Variants in NANOGNB observed in about 807,000 individuals in gnomAD.
NANOGNB encodes the protein NANOG neighbor homeobox.
In NANOGNB, 30 loss-of-function variants were observed where a neutral mutation model predicts 25.0. The ratio of observed to expected loss-of-function variants is 1.20; its 90% CI spans 0.90 to 1.63. The LOEUF (loss-of-function observed/expected upper bound fraction) is 1.63. Among genes scored for constraint, NANOGNB ranks in the 40% most tolerant of loss-of-function variants. NANOGNB has a pLI of 0.00. For synonymous variants in NANOGNB, 84 were observed against 62.1 expected (o/e 1.35, Z -1.66); for missense variants, 200 against 188.1 (o/e 1.06, Z -0.37).
chr12:7,767,383 T>C (rs867623503), intron 1 of NANOGNB, among the ~76,000 whole-genome samples: 6 of 80,224 alleles, frequency 7.5e-5, no homozygotes, highest in South Asian at 5.9e-4. Context: ...ACAAGAGGGT[T>C]TTTTTTTTTT....
At chr12:7,773,544 T>TAAAA (rs1358984559) in intron 3 of NANOGNB, among the ~76,000 whole-genome samples, 1 of 6,260 alleles carries the variant, frequency 1.6e-4, no homozygotes, top group Non-Finnish European at 3.9e-4. Flanking sequence ...CTACTAAAAA[T>TAAAA]ACAAAAAAAA....
At chr12:7,773,779 T>TA in intron 3 of NANOGNB, 21 bp from the exon 4 acceptor site, 1 of 637,256 alleles carries the variant, frequency 1.6e-6, no homozygotes. Context: ...AACTCTTTTT[T>TA]TTTTTTTTTT....
At position 7,773,546 on chromosome 12, in the gene NANOGNB, C is replaced by CAAAAAAAAAAAAA. The variant is rs869038102; in HGVS notation, c.516-233_516-221dup. Reference sequence around the variant, plus strand: ...TGAAACTCCATCTCTACTAAAAATACAAAAAAAAAAAAAAAAAAAAAAAAA... The same window carrying CAAAAAAAAAAAAA: ...TGAAACTCCATCTCTACTAAAAATACAAAAAAAAAAAAAAAAAAAAAAAAAAAAAAAAAAAAAA... On this transcript the variant is annotated intron_variant, in intron 3 of 3. Coordinates refer to ENST00000382119, the MANE Select transcript of NANOGNB (RefSeq NM_001145465.1). 6.3e-3 allele frequency among the ~76,000 whole-genome samples: 98 copies of CAAAAAAAAAAAAA among 15,444 alleles called. 28 individuals carry two copies. Among genetic ancestry groups the CAAAAAAAAAAAAA allele is most frequent in the Non-Finnish European group, 7.3e-3 (75 of 10,302 alleles). 10.1% of individuals were successfully genotyped at this position (15,444 alleles called of 152,430 possible).
Sources: allele counts gnomAD v4.1 joint callset (sites outside exome capture counted in the v4.1 genomes callset), GRCh38; gene constraint gnomAD v4.1.1; transcripts MANE v1.5; gene names NCBI Gene and HGNC (gene_info 2026-07-23, HGNC 2026-07-21).